Variants in POLR1A observed in about 807,000 individuals in gnomAD.
POLR1A encodes the protein RNA polymerase I subunit A.
In POLR1A, 84 loss-of-function variants were observed where a neutral mutation model predicts 205.3. The ratio of observed to expected loss-of-function variants is 0.41; its 90% CI spans 0.34 to 0.49. The LOEUF (loss-of-function observed/expected upper bound fraction) is 0.49. POLR1A is among the 20% of genes least tolerant of loss of function. The pLI is 0.22. For synonymous variants in POLR1A, 799 were observed against 863.7 expected, an observed-to-expected ratio of 0.93 and a Z score of 1.31; for missense variants, 1,645 against 2,204.5, an observed-to-expected ratio of 0.75 and a Z score of 5.08.
chr2:86,100,046 C>T lies in POLR1A; in HGVS notation c.204G>A (p.Val68=). The change falls in exon 2 of 34, where the codon GTG becomes GTA. Residue 68 remains valine (V), a synonymous_variant. Coordinates refer to ENST00000263857, the MANE Select transcript of POLR1A (RefSeq NM_015425.6). ...GCCCAGAACAGTTGCTGAAGTCCTG[C>T]ACGCAGGTGGAGCACACCTCTTTGG... ...ADSKEVCSTC[V]QDFSNCSGHL... is the part of the protein sequence containing the mutation. 2 of 1,614,200 alleles carry T rather than the reference C, an allele frequency of 1.2e-6. No homozygotes were observed. Among genetic ancestry groups the T allele is most frequent in the South Asian group, 1.1e-5 (1 of 91,074 alleles).
chr2:86,054,440 A>G lies in POLR1A; in HGVS notation c.2059-151T>C, dbSNP rs76017611. ...TCTGATGATCTCAGGTATGGCAAGA[A>G]AAACAGACAGGTCCACCTCCATAGG... is the stretch of plus-strand genomic sequence containing the variant. On this transcript the variant is annotated intron_variant, in intron 14 of 33. Transcript: ENST00000263857. 288 of 691,820 alleles carry G rather than the reference A, an allele frequency of 4.2e-4. 3 individuals are homozygous for G. The East Asian group carries it at 7.7e-3, about 19-fold the overall frequency. The allele number at this position is 691,820 out of a possible 1,614,324, so 42.9% of individuals were successfully genotyped here. A position where few individuals can be genotyped will look rare whatever the true frequency, so the allele number is the denominator to read the frequency against.
At chr2:86,029,696 TC>T in intron 31 of POLR1A, among the ~76,000 whole-genome samples, 1 of 151,592 alleles carries the variant, frequency 6.6e-6, no homozygotes, top group East Asian at 1.9e-4. Flanking sequence ...TCCTGGGTTA[TC>T]GCCATTCTCC....
intron 3 of POLR1A, among the ~76,000 whole-genome samples, chr2:86,095,353 A>G (rs1673685110): frequency 6.6e-6 from 1 of 152,230 alleles, no homozygotes; most frequent in Admixed American, 6.5e-5. Context: ...CTAGCCATCA[A>G]AAGAAAACAT....
Position 86,058,469 on chromosome 2 carries a change from T to A in POLR1A, c.2059-4180A>T, listed in dbSNP as rs1573815830. 3.4e-5 allele frequency among the ~76,000 whole-genome samples: 5 copies of A among 146,338 alleles called. No individual in the cohort carries two copies. The East Asian group carries it at 1.0e-3, about 30-fold the overall frequency. On this transcript the variant is annotated intron_variant, in intron 14 of 33. Coordinates refer to ENST00000263857, the MANE Select transcript of POLR1A (RefSeq NM_015425.6). ...TGTTGCCAGGCTGGTCTTGAATTCCTAGCCTCAAGCAATCCTCCTACCTCA... is the reference window on the plus strand; with the variant it reads ...TGTTGCCAGGCTGGTCTTGAATTCCAAGCCTCAAGCAATCCTCCTACCTCA...
At chr2:86,088,950 C>A in intron 4 of POLR1A, 80 bp from the exon 5 acceptor site, 1 of 1,078,740 alleles carries the variant, frequency 9.3e-7, no homozygotes, top group East Asian at 2.4e-5. Context: ...TGGTTTTCAC[C>A]TTTTATTTTT....
At position 86,043,158 on chromosome 2, in the gene POLR1A, G is replaced by C. The variant is rs1458233132; in HGVS notation, c.3173C>G (p.Ser1058Cys). The change falls in exon 23 of 34, where the codon TCC becomes TGC. Residue 1058 changes from serine (S) to cysteine (C), a missense_variant. Around this residue, in one of 16 missense-constraint regions of POLR1A, gnomAD observed 201 missense variants for 222.3 expected, o/e 0.90. Transcript: ENST00000263857. ...GAGAGCTTTTTTGGGATCTGCTCTG[G>C]ATAAAACTTCATGGAGATGCTGTGA... ...MKSQHLHEVL[S>C]RADPKKALHH... is the part of the protein sequence containing the mutation. 1 of 1,613,910 alleles carries C rather than the reference G, an allele frequency of 6.2e-7. No homozygotes were observed. Among genetic ancestry groups the C allele is most frequent in the Admixed American group, 1.7e-5 (1 of 60,008 alleles).
intron 3 of POLR1A, among the ~76,000 whole-genome samples, chr2:86,094,757 T>C (rs965642743): frequency 6.6e-6 from 1 of 152,238 alleles, no homozygotes; most frequent in Non-Finnish European, 1.5e-5. Flanking sequence ...TCCTTAAGTA[T>C]GTATTCGATC....
Position 86,088,663 on chromosome 2 carries a change from C to T in POLR1A, c.633G>A (p.Gly211=). 6.2e-7 allele frequency: 1 copy of T among 1,613,886 alleles called. No homozygotes were observed. The highest frequency in any genetic ancestry group is 8.5e-7 in the Non-Finnish European group (1 of 1,179,786). ...NAKRCPHCKT[G]RSVVRKEHNS... is the part of the protein sequence containing the mutation. ...TGTGTTCCTTTCGGACAACGGATCG[C>T]CCGGTCCTGTGCAGGAGGACAGTTG... The change falls in exon 6 of 34, where the codon GGG becomes GGA. Residue 211 remains glycine, a synonymous_variant. Coordinates refer to ENST00000263857, the MANE Select transcript of POLR1A (RefSeq NM_015425.6).
rs370939609 is a variant in POLR1A, at chr2:86,079,340, G to A, written c.1087-1056C>T. Among the ~76,000 whole-genome samples, 9 of 152,340 alleles carry A rather than the reference G, an allele frequency of 5.9e-5. No homozygotes were observed. In the East Asian group the frequency reaches 1.7e-3, roughly 29 times the overall value. On this transcript the variant is annotated intron_variant, in intron 9 of 33. Coordinates refer to ENST00000263857, the MANE Select transcript of POLR1A (RefSeq NM_015425.6). ...CATGGCATTACCTGGCTCAAGACCAGTGATTGTGAAATGAGTGAGAACTTG... is the reference window on the plus strand; with the variant it reads ...CATGGCATTACCTGGCTCAAGACCAATGATTGTGAAATGAGTGAGAACTTG...
At chr2:86,027,555 G>A (rs1396811076) in intron 33 of POLR1A, 32 bp from the exon 34 acceptor site, 2 of 1,573,196 alleles carry the variant, frequency 1.3e-6, no homozygotes, top group Non-Finnish European at 1.7e-6. Context: ...GTGTCAGGGT[G>A]TTGAGGTAGA....
At position 86,027,395 on chromosome 2, in the gene POLR1A, AG is replaced by A; in HGVS notation, c.*27del. 6.3e-7 allele frequency: 1 copy of A among 1,577,872 alleles called. No individual in the cohort carries two copies. Among genetic ancestry groups the A allele is most frequent in the Non-Finnish European group, 8.7e-7 (1 of 1,146,932 alleles). ...CCACGCCCTCACCAAGGGTCCTTGGAGCTGGGCAGATGGTGCCGGGGTAGCT... is the reference window on the plus strand; with the variant it reads ...CCACGCCCTCACCAAGGGTCCTTGGACTGGGCAGATGGTGCCGGGGTAGCT... On this transcript the variant is annotated 3_prime_UTR_variant, in exon 34 of 34. Coordinates refer to ENST00000263857, the MANE Select transcript of POLR1A (RefSeq NM_015425.6).
chr2:86,029,815 T>A (rs751752445), intron 31 of POLR1A, among the ~76,000 whole-genome samples: 10 of 151,998 alleles, frequency 6.6e-5, no homozygotes, highest in Non-Finnish European at 1.3e-4. Flanking sequence ...TTAGCCAGGA[T>A]GGTCTTGATC....
intron 24 of POLR1A, 52 bp downstream of exon 24, chr2:86,041,837 G>A (rs1672615320): frequency 6.7e-7 from 1 of 1,482,588 alleles, no homozygotes; most frequent in Non-Finnish European, 9.4e-7. Context: ...GGAGGCAGGG[G>A]CTAGGAGGCA....
intron 14 of POLR1A, among the ~76,000 whole-genome samples, chr2:86,056,311 G>A (rs1475826833): frequency 6.6e-6 from 1 of 152,006 alleles, no homozygotes; most frequent in Non-Finnish European, 1.5e-5. Flanking sequence ...AATTAGCTGG[G>A]CATGGTGGCG....
intron 14 of POLR1A, among the ~76,000 whole-genome samples, chr2:86,062,974 G>A (rs536644344): frequency 6.6e-6 from 1 of 152,242 alleles, no homozygotes; most frequent in South Asian, 2.1e-4. Flanking sequence ...AACAATTAAA[G>A]CTCATTCAAG....
At chr2:86,105,577 G>C (rs544389656) in intron 1 of POLR1A, 123 bp downstream of exon 1, 2 of 653,222 alleles carry the variant, frequency 3.1e-6, no homozygotes, top group East Asian at 2.8e-5. Flanking sequence ...GCTCCCAGCA[G>C]GACAAGCGCC....
At chr2:86,056,653 G>C (rs1222512849) in intron 14 of POLR1A, among the ~76,000 whole-genome samples, 2 of 152,158 alleles carry the variant, frequency 1.3e-5, no homozygotes, top group African/African-American at 2.4e-5. Flanking sequence ...TCTCCTGTTA[G>C]GGGCTAATGC....
At chr2:86,069,722 C>A (rs907826551) in intron 13 of POLR1A, among the ~76,000 whole-genome samples, 1 of 152,202 alleles carries the variant, frequency 6.6e-6, no homozygotes, top group Admixed American at 6.5e-5. Context: ...GTTGCAGAAT[C>A]CAAATTTAAG....
At chr2:86,044,911 C>T (rs1672684002) in intron 21 of POLR1A, among the ~76,000 whole-genome samples, 1 of 152,202 alleles carries the variant, frequency 6.6e-6, no homozygotes, top group African/African-American at 2.4e-5. Flanking sequence ...CCAGCAGTCA[C>T]TGTCCCTCCA....
Sources: allele counts gnomAD v4.1 joint callset (sites outside exome capture counted in the v4.1 genomes callset), GRCh38; gene constraint gnomAD v4.1.1; regional missense constraint gnomAD v4.1.1; transcripts MANE v1.5; gene names NCBI Gene and HGNC (gene_info 2026-07-23, HGNC 2026-07-21).